The following LARP4B variants were observed in gnomAD, a reference collection of about 807,000 sequenced individuals.
LARP4B encodes the protein la-related protein 4B.
Under a neutral mutation model 89.8 loss-of-function variants are expected in LARP4B, and 12 were observed. The ratio of observed to expected loss-of-function variants is 0.13; its 90% CI spans 0.09 to 0.22. The LOEUF (loss-of-function observed/expected upper bound fraction) is 0.22. Among genes scored for constraint, LARP4B ranks in the 10% least tolerant of loss-of-function variants. LARP4B has a pLI of 1.00. For synonymous variants in LARP4B, 367 were observed against 363.3 expected (o/e 1.01, Z -0.12); for missense variants, 757 against 947.7 (o/e 0.80, Z 2.64).
chr10:942,396 G>A, the LARP4B span: 1 of 152,214 alleles, frequency 6.6e-6, no homozygotes, highest in Non-Finnish European at 1.5e-5. Context: ...TCTCCCCTAA[G>A]TTTTTTCTCC....
At chr10:950,542 T>C in the LARP4B span, among the ~76,000 whole-genome samples, 28 of 152,328 alleles carry the variant, frequency 1.8e-4, no homozygotes, top group African/African-American at 6.3e-4. Flanking sequence ...TGACATTTGC[T>C]GGCATTTCAA....
chr10:891,936 G>A (rs1286357255), intron 1 of LARP4B, among the ~76,000 whole-genome samples: 1 of 152,222 alleles, frequency 6.6e-6, no homozygotes, highest in South Asian at 2.1e-4. Flanking sequence ...AGTATTGACA[G>A]CTGTTTCAAT....
chr10:882,602 T>C (rs576190335), intron 3 of LARP4B, among the ~76,000 whole-genome samples: 2 of 152,292 alleles, frequency 1.3e-5, no homozygotes, highest in African/African-American at 4.8e-5. Flanking sequence ...TTAGCCAGGA[T>C]GGTCTCGATC....
chr10:956,861 G>C, the LARP4B span, among the ~76,000 whole-genome samples: 2 of 152,164 alleles, frequency 1.3e-5, no homozygotes, highest in African/African-American at 4.8e-5. This position sits in a 1 kb window ranked among gnomAD's most constrained non-coding sequence, Gnocchi z 4.3. Context: ...GAAGGGTAAA[G>C]ACACTGCAGG....
intron 1 of LARP4B, among the ~76,000 whole-genome samples, chr10:915,701 G>T (rs1836800330): frequency 6.7e-6 from 1 of 149,452 alleles, no homozygotes; most frequent in Non-Finnish European, 1.5e-5. Context: ...CTACTCAGGA[G>T]GCTGAGGCAA....
At chr10:860,834 G>A (rs906921147) in intron 5 of LARP4B, among the ~76,000 whole-genome samples, 28 of 151,988 alleles carry the variant, frequency 1.8e-4, no homozygotes, top group Admixed American at 1.0e-3. Context: ...AAAAATCTAC[G>A]AAACGCAAAC....
chr10:967,311 G>A, the LARP4B span, among the ~76,000 whole-genome samples: 3 of 152,256 alleles, frequency 2.0e-5, no homozygotes, highest in East Asian at 5.8e-4. Flanking sequence ...AGTAGACATT[G>A]AACCCATGAA....
At chr10:921,197 C>A (rs1391285069) in intron 1 of LARP4B, among the ~76,000 whole-genome samples, 1 of 151,834 alleles carries the variant, frequency 6.6e-6, no homozygotes, top group Non-Finnish European at 1.5e-5. Flanking sequence ...CGCTTGAACC[C>A]AGGAGGTGGA....
chr10:844,955 GA>G, intron 6 of LARP4B, 21 bp downstream of exon 6: 1 of 1,582,256 alleles, frequency 6.3e-7, no homozygotes, highest in Non-Finnish European at 8.6e-7. Context: ...TCAGGTACTA[GA>G]AAAACCACCA....
chr10:808,751 GCACACA>G (rs141536087), downstream of LARP4B: 1 of 94,606 alleles, frequency 1.1e-5, no homozygotes, highest in Non-Finnish European at 2.4e-5. Context: ...GCGTGTGCAC[GCACACA>G]CACACACACA....
the LARP4B span, among the ~76,000 whole-genome samples, chr10:978,723 T>C: frequency 6.6e-6 from 1 of 152,234 alleles, no homozygotes; most frequent in Non-Finnish European, 1.5e-5. Flanking sequence ...TAATAAGATA[T>C]TACTATTGTT....
intron 1 of LARP4B, among the ~76,000 whole-genome samples, chr10:920,722 A>C (rs1418734455): frequency 6.6e-6 from 1 of 152,170 alleles, no homozygotes; most frequent in East Asian, 1.9e-4. Flanking sequence ...CAGTGAGCCA[A>C]GATACAGCCA....
At chr10:851,498 A>C (rs1834049155) in intron 5 of LARP4B, among the ~76,000 whole-genome samples, 1 of 152,180 alleles carries the variant, frequency 6.6e-6, no homozygotes, top group Non-Finnish European at 1.5e-5. Context: ...ACACCTTTTG[A>C]TAAGGTCAAT....
At chr10:869,986 T>C (rs1239752403) in intron 3 of LARP4B, 8 of 835,506 alleles carry the variant, frequency 9.6e-6, no homozygotes, top group Non-Finnish European at 8.7e-6. Flanking sequence ...CGCAGCACAA[T>C]AGTAAACACA....
chr10:808,781 A>G (rs1190775509), downstream of LARP4B: 1 of 151,676 alleles, frequency 6.6e-6, no homozygotes, highest in Non-Finnish European at 1.5e-5. Flanking sequence ...ACACATACAC[A>G]CACACTATTA....
chr10:896,899 G>C (rs925608104), intron 1 of LARP4B, among the ~76,000 whole-genome samples: 2 of 151,972 alleles, frequency 1.3e-5, no homozygotes, highest in African/African-American at 4.8e-5. Flanking sequence ...TTACAGATGG[G>C]AAGACATGGT....
the LARP4B span, among the ~76,000 whole-genome samples, chr10:965,124 T>C: frequency 1.3e-5 from 2 of 152,188 alleles, no homozygotes; most frequent in Admixed American, 1.3e-4. Context: ...CGCCTGCCTG[T>C]GGTCCACACA....
At chr10:921,501 G>T (rs1436578918) in intron 1 of LARP4B, among the ~76,000 whole-genome samples, 2 of 152,116 alleles carry the variant, frequency 1.3e-5, no homozygotes, top group African/African-American at 4.8e-5. Flanking sequence ...AAGGTTGGCA[G>T]GGGGACGCGG....
intron 1 of LARP4B, among the ~76,000 whole-genome samples, chr10:889,539 C>A (rs1588967078): frequency 6.6e-6 from 1 of 152,220 alleles, no homozygotes; most frequent in Non-Finnish European, 1.5e-5. Context: ...TGGCCAGGAA[C>A]TGACTTCTTT....
Sources: gnomAD v4.1 joint callset for allele counts (sites outside exome capture counted in the v4.1 genomes callset) on GRCh38, gnomAD v4.1.1 for gene constraint, Gnocchi (gnomAD v3.1) non-coding constraint, MANE v1.5 for transcripts, NCBI Gene and HGNC (gene_info 2026-07-23, HGNC 2026-07-21) for gene names.